Variants in GPC6 observed in about 807,000 individuals in gnomAD.
GPC6 encodes glypican 6.
Under a neutral mutation model 55.2 loss-of-function variants are expected in GPC6, and 14 were observed. The observed-to-expected ratio is 0.25, with a 90% CI of 0.17 to 0.40. The LOEUF (loss-of-function observed/expected upper bound fraction) is 0.40. Ranked by LOEUF, GPC6 falls within the 10% of genes least tolerant of loss-of-function variation. The pLI is 1.00. For missense variants in GPC6, 641 were observed against 708.5 expected (o/e 0.90, Z 1.08); for synonymous variants, 278 against 259.6 (o/e 1.07, Z -0.68).
rs565086918 is a variant in GPC6, at chr13:93,528,584, T to A, written c.161-16679T>A. 2.6e-5 allele frequency among the ~76,000 whole-genome samples: 4 copies of A among 152,320 alleles called. No individual in the cohort carries two copies. The East Asian group carries it at 7.7e-4, about 29-fold the overall frequency. ...GCAAAAAGGAAAAATATTATTCAGA[T>A]AAGATACCATTCAGGCTCTAGGACT... On this transcript the variant is annotated intron_variant, in intron 1 of 8. Coordinates refer to ENST00000377047, the MANE Select transcript of GPC6 (RefSeq NM_005708.5).
intron 3 of GPC6, among the ~76,000 whole-genome samples, chr13:93,903,945 A>G (rs188529741): frequency 1.5e-4 from 23 of 152,252 alleles, no homozygotes; most frequent in African/African-American, 5.3e-4. Flanking sequence ...ATCACAAAGA[A>G]GAACATGTCC....
chr13:93,965,466 G>C (rs1879999519), intron 3 of GPC6, among the ~76,000 whole-genome samples: 3 of 152,048 alleles, frequency 2.0e-5, no homozygotes, highest in Admixed American at 6.6e-5. Context: ...CGGTCAAGAG[G>C]AGGAGACTGT....
intron 1 of GPC6, among the ~76,000 whole-genome samples, chr13:93,483,739 C>T (rs185782755): frequency 3.3e-5 from 5 of 152,194 alleles, no homozygotes; most frequent in East Asian, 1.9e-4. Context: ...AATAAGAATG[C>T]GGCTCATGGT....
intron 4 of GPC6, among the ~76,000 whole-genome samples, chr13:94,198,713 C>T (rs777150526): frequency 1.3e-5 from 2 of 152,132 alleles, no homozygotes; most frequent in Non-Finnish European, 2.9e-5. Context: ...TACTGTTGAA[C>T]AGCCTTCTGC....
At chr13:94,372,528 C>G (rs1396636555) in intron 6 of GPC6, among the ~76,000 whole-genome samples, 1 of 151,538 alleles carries the variant, frequency 6.6e-6, no homozygotes, top group African/African-American at 2.4e-5. Context: ...CGGCGCACCA[C>G]GAGAGTATAT....
At chr13:93,403,341 C>T (rs958616930) in intron 1 of GPC6, among the ~76,000 whole-genome samples, 2 of 152,150 alleles carry the variant, frequency 1.3e-5, no homozygotes, top group Non-Finnish European at 2.9e-5. Context: ...TGGTCTGGCT[C>T]TTCTTTTAGT....
At chr13:94,071,307 G>A (rs956192015) in intron 4 of GPC6, among the ~76,000 whole-genome samples, 1 of 152,096 alleles carries the variant, frequency 6.6e-6, no homozygotes, top group Non-Finnish European at 1.5e-5. Context: ...TTAGAATAAA[G>A]CATGTGGTGT....
rs138954305 is a variant in GPC6 at position 93,890,435 on chromosome 13, C to T, written c.711+59890C>T. On this transcript the variant is annotated intron_variant, in intron 3 of 8. Coordinates refer to ENST00000377047, the MANE Select transcript of GPC6 (RefSeq NM_005708.5). ...TTTACTGTAATCAATAAGTATTTGT[C>T]GATGGATGGGTGACTGGGTTTATGG... Among the ~76,000 whole-genome samples, 250 of 152,020 alleles carry T rather than the reference C, an allele frequency of 1.6e-3. 4 individuals are homozygous for T. The East Asian group carries it at 0.041, about 25-fold the overall frequency.
chr13:93,996,969 C>T (rs1881583284), intron 3 of GPC6, among the ~76,000 whole-genome samples: 1 of 152,090 alleles, frequency 6.6e-6, no homozygotes, highest in Admixed American at 6.5e-5. Context: ...AGCACAATTA[C>T]CTCATGAGTG....
chr13:94,109,452 T>C (rs2138837524), intron 4 of GPC6, among the ~76,000 whole-genome samples: 1 of 151,050 alleles, frequency 6.6e-6, no homozygotes, highest in South Asian at 2.1e-4. Context: ...AATTCTAAAC[T>C]ATATTTCAAG....
chr13:93,449,658 T>G (rs1824290537), intron 1 of GPC6, among the ~76,000 whole-genome samples: 1 of 151,496 alleles, frequency 6.6e-6, no homozygotes, highest in African/African-American at 2.4e-5. Flanking sequence ...TGAAACCCCA[T>G]CTCTACTAAA....
At chr13:94,076,040 G>A (rs1884901310) in intron 4 of GPC6, among the ~76,000 whole-genome samples, 2 of 151,830 alleles carry the variant, frequency 1.3e-5, no homozygotes, top group African/African-American at 4.8e-5. Context: ...CCTCCTTACT[G>A]CTTTTCATAG....
At chr13:94,072,957 G>A (rs1243585388) in intron 4 of GPC6, among the ~76,000 whole-genome samples, 1 of 152,152 alleles carries the variant, frequency 6.6e-6, no homozygotes, top group East Asian at 1.9e-4. Context: ...GCAAGAGAAA[G>A]AAAGAACATG....
intron 1 of GPC6, among the ~76,000 whole-genome samples, chr13:93,265,138 G>A (rs1003248655): frequency 6.6e-6 from 1 of 152,148 alleles, no homozygotes; most frequent in Admixed American, 6.5e-5. Context: ...GCTACTCTGT[G>A]AAGGACCTGA....
At chr13:93,426,027 C>A (rs1265500042) in intron 1 of GPC6, among the ~76,000 whole-genome samples, 1 of 152,156 alleles carries the variant, frequency 6.6e-6, no homozygotes, top group Non-Finnish European at 1.5e-5. Context: ...CCAGGTTGGG[C>A]TAAGGGCAGA....
chr13:94,353,983 T>C (rs1878673406), intron 6 of GPC6, among the ~76,000 whole-genome samples: 1 of 152,068 alleles, frequency 6.6e-6, no homozygotes, highest in Non-Finnish European at 1.5e-5. Context: ...CTTTCTTTCC[T>C]TTTTAATTGT....
At chr13:93,552,271 A>G (rs1271218384) in intron 2 of GPC6, among the ~76,000 whole-genome samples, 1 of 152,192 alleles carries the variant, frequency 6.6e-6, no homozygotes, top group Non-Finnish European at 1.5e-5. Flanking sequence ...AAATCGTCCA[A>G]TTAGAGATTT....
intron 3 of GPC6, among the ~76,000 whole-genome samples, chr13:93,952,697 G>A (rs1295739923): frequency 1.3e-5 from 2 of 151,140 alleles, no homozygotes; most frequent in African/African-American, 2.4e-5. Flanking sequence ...TATAGTATGT[G>A]TGTGAGAGTA....
rs181240566 is a variant in GPC6 at position 93,525,728 on chromosome 13, A to G, written c.161-19535A>G. Among the ~76,000 whole-genome samples the G allele has an allele frequency of 3.0e-3, 459 of 152,262 alleles. 1 individual carries two copies. Among genetic ancestry groups the G allele is most frequent in the Non-Finnish European group, 4.4e-3 (298 of 68,000 alleles). On this transcript the variant is annotated intron_variant, in intron 1 of 8. Transcript: ENST00000377047. ...AGTCAATGGATTTTCAAACTAGAGCACAAGGCTAAGTTTCTCAGATGGTTA... is the reference window on the plus strand; with the variant it reads ...AGTCAATGGATTTTCAAACTAGAGCGCAAGGCTAAGTTTCTCAGATGGTTA...
Sources: allele counts gnomAD v4.1 joint callset (sites outside exome capture counted in the v4.1 genomes callset), GRCh38; gene constraint gnomAD v4.1.1; transcripts MANE v1.5; gene names NCBI Gene and HGNC (gene_info 2026-07-23, HGNC 2026-07-21).